The following KLHL2 variants were observed in gnomAD, a reference collection of about 807,000 sequenced individuals.
KLHL2 encodes the protein kelch like family member 2.
In KLHL2, 15 loss-of-function variants were observed where a neutral mutation model predicts 75.8. The ratio of observed to expected loss-of-function variants is 0.20; its 90% CI spans 0.13 to 0.30. KLHL2 has a LOEUF of 0.30. Ranked by LOEUF, KLHL2 falls within the 10% of genes least tolerant of loss-of-function variation. The probability of loss-of-function intolerance (pLI) is 1.00; values close to 1 mark genes in which losing one functional copy is unlikely to be tolerated. For missense variants in KLHL2, 381 were observed against 741.0 expected, an observed-to-expected ratio of 0.51 and a Z score of 5.64; for synonymous variants, 214 against 251.9, an observed-to-expected ratio of 0.85 and a Z score of 1.42.
chr4:165,265,988 T>C (rs1742212168), intron 5 of KLHL2, among the ~76,000 whole-genome samples: 1 of 152,196 alleles, frequency 6.6e-6, no homozygotes, highest in African/African-American at 2.4e-5. Context: ...ACCTGTTGTT[T>C]TCTGACTTTT....
At chr4:165,232,652 A>G (rs945825333) in intron 3 of KLHL2, among the ~76,000 whole-genome samples, 5 of 152,066 alleles carry the variant, frequency 3.3e-5, no homozygotes, top group Non-Finnish European at 5.9e-5. Context: ...AGGCAGGAGG[A>G]TCGCTTGAGC....
At chr4:165,315,970 T>C (rs1387122597) in intron 13 of KLHL2, among the ~76,000 whole-genome samples, 1 of 152,236 alleles carries the variant, frequency 6.6e-6, no homozygotes, top group East Asian at 1.9e-4. Context: ...TATAGACCTT[T>C]AATACCTAGC....
At chr4:165,264,758 A>G (rs1339721157) in intron 5 of KLHL2, among the ~76,000 whole-genome samples, 49 of 90,374 alleles carry the variant, frequency 5.4e-4, no homozygotes, top group Middle Eastern at 5.2e-3. Flanking sequence ...ATATATATAT[A>G]TATATATAAA....
intron 5 of KLHL2, among the ~76,000 whole-genome samples, chr4:165,291,612 C>G (rs973540555): frequency 2.0e-5 from 3 of 152,132 alleles, no homozygotes; most frequent in African/African-American, 7.2e-5. Flanking sequence ...GGCTTTGCTT[C>G]TTTGTCACAG....
At chr4:165,310,512 G>T in intron 9 of KLHL2, 41 bp from the exon 10 acceptor site, 1 of 1,519,506 alleles carries the variant, frequency 6.6e-7, no homozygotes, top group Non-Finnish European at 9.1e-7. Flanking sequence ...GGTGGTAGTT[G>T]AGTTGCATGT....
At chr4:165,278,912 G>A (rs535172881) in intron 5 of KLHL2, 66 of 1,399,868 alleles carry the variant, frequency 4.7e-5, no homozygotes, top group South Asian at 2.6e-4. Flanking sequence ...CAAGGCCCCC[G>A]CTTTCATTAG....
At chr4:165,280,493 G>C (rs943758907) in intron 5 of KLHL2, among the ~76,000 whole-genome samples, 1 of 152,194 alleles carries the variant, frequency 6.6e-6, no homozygotes, top group Non-Finnish European at 1.5e-5. Context: ...TGTGTTGAGT[G>C]AGTGGTTTTA....
intron 5 of KLHL2, chr4:165,279,180 A>T: frequency 6.3e-7 from 1 of 1,591,934 alleles, no homozygotes; most frequent in Non-Finnish European, 8.6e-7. Flanking sequence ...TCGAGGAGCC[A>T]GCGAAGTTTC....
chr4:165,238,966 C>T, intron 4 of KLHL2, 67 bp downstream of exon 4: 1 of 1,541,268 alleles, frequency 6.5e-7, no homozygotes, highest in Non-Finnish European at 8.7e-7. Flanking sequence ...AAAAAGCACA[C>T]CCACACAGTA....
intron 9 of KLHL2, among the ~76,000 whole-genome samples, chr4:165,307,332 A>G (rs756727004): frequency 3.0e-4 from 45 of 152,212 alleles, no homozygotes; most frequent in Non-Finnish European, 3.5e-4. Flanking sequence ...CAAACAAAAA[A>G]ACAAAAAAAC....
intron 5 of KLHL2, among the ~76,000 whole-genome samples, chr4:165,285,948 T>C (rs1744056619): frequency 6.6e-6 from 1 of 152,148 alleles, no homozygotes; most frequent in Non-Finnish European, 1.5e-5. Context: ...TCTTGTTTGC[T>C]TGAGGGAGAG....
chr4:165,286,051 G>T (rs928400668), intron 5 of KLHL2, among the ~76,000 whole-genome samples: 4 of 152,178 alleles, frequency 2.6e-5, no homozygotes, highest in African/African-American at 9.7e-5. Context: ...GGAAGAACTT[G>T]ATTTATGTTG....
chr4:165,263,340 C>T lies in KLHL2; in HGVS notation c.525C>T (p.Asn175=), dbSNP rs776834645. 1 of 1,613,930 alleles carries T rather than the reference C, an allele frequency of 6.2e-7. No homozygotes were observed. Among genetic ancestry groups the T allele is most frequent in the Non-Finnish European group, 8.5e-7 (1 of 1,179,886 alleles). ...ADMHACTDLL[N]KANTYAEQHF... ...TGCATGCATGTACCGACCTTCTGAA[C>T]AAGGCCAACACCTATGCAGGCAAGT... Residue 175 remains asparagine (N), a synonymous_variant, in exon 5 of 15, where the codon AAC becomes AAT. Coordinates refer to ENST00000226725, the MANE Select transcript of KLHL2 (RefSeq NM_007246.4).
intron 11 of KLHL2, 48 bp from the exon 12 acceptor site, chr4:165,313,190 T>G (rs1300125087): frequency 4.4e-6 from 7 of 1,578,430 alleles, no homozygotes; most frequent in Non-Finnish European, 6.0e-6. Flanking sequence ...TGTTTTTTGT[T>G]TGTTTGTTTT....
intron 5 of KLHL2, among the ~76,000 whole-genome samples, chr4:165,287,535 G>A (rs1236341324): frequency 2.0e-5 from 3 of 151,782 alleles, no homozygotes; most frequent in Non-Finnish European, 4.4e-5. Flanking sequence ...TGGATCATAT[G>A]GTAGTTCTAC....
intron 5 of KLHL2, chr4:165,278,755 A>G (rs1387567080): frequency 1.3e-6 from 2 of 1,580,714 alleles, no homozygotes; most frequent in African/African-American, 2.7e-5. Context: ...GAAGGCCATG[A>G]TCAGAAAATA....
intron 1 of KLHL2, among the ~76,000 whole-genome samples, chr4:165,209,617 G>A (rs1737065480): frequency 6.6e-6 from 1 of 152,058 alleles, no homozygotes; most frequent in South Asian, 2.1e-4. Context: ...TAATTTTGAT[G>A]ACCAGCGCCA....
chr4:165,301,134 A>T (rs1359028376), intron 8 of KLHL2, among the ~76,000 whole-genome samples: 1 of 152,202 alleles, frequency 6.6e-6, no homozygotes, highest in Non-Finnish European at 1.5e-5. Flanking sequence ...CTATTTGTGG[A>T]AAGTTTCATT....
chr4:165,267,846 C>T (rs994193806), intron 5 of KLHL2, among the ~76,000 whole-genome samples: 1 of 152,080 alleles, frequency 6.6e-6, no homozygotes, highest in African/African-American at 2.4e-5. Flanking sequence ...AGGGAGGATT[C>T]CCTCTTTTTA....
Sources: gnomAD v4.1 joint callset for allele counts (sites outside exome capture counted in the v4.1 genomes callset) on GRCh38, gnomAD v4.1.1 for gene constraint, MANE v1.5 for transcripts, NCBI Gene and HGNC (gene_info 2026-07-23, HGNC 2026-07-21) for gene names.